Variants in KIAA1549 observed in about 807,000 individuals in gnomAD.
KIAA1549 encodes the protein UPF0606 protein KIAA1549.
A neutral mutation model predicts 156.4 loss-of-function variants in KIAA1549; 70 were observed. The observed-to-expected ratio is 0.45, with a 90% CI of 0.37 to 0.55. The LOEUF (loss-of-function observed/expected upper bound fraction) is 0.55, where lower values mean the gene tolerates loss of function less well. Among genes scored for constraint, KIAA1549 ranks in the 20% least tolerant of loss-of-function variants. The pLI is 0.00. For missense variants in KIAA1549, 2,428 were observed against 2,540.9 expected (o/e 0.96, Z 0.96); for synonymous variants, 1,103 against 1,066.4 (o/e 1.03, Z -0.67).
At chr7:138,957,278 G>A (rs976252475) in intron 1 of KIAA1549, among the ~76,000 whole-genome samples, 7 of 152,264 alleles carry the variant, frequency 4.6e-5, no homozygotes, top group East Asian at 3.9e-4. Context: ...ACAAACCAGA[G>A]ACACTGCCAT....
In KIAA1549 at chr7:138,840,185, C is replaced by A; in HGVS notation, c.5546G>T (p.Gly1849Val). 1 of 1,563,746 alleles carries A rather than the reference C, an allele frequency of 6.4e-7. No individual in the cohort carries two copies. Among genetic ancestry groups the A allele is most frequent in the Non-Finnish European group, 8.7e-7 (1 of 1,153,832 alleles). Reference protein sequence around the residue: ...EIPPSRGSQYGGPGWPSYGED... With the variant: ...EIPPSRGSQYVGPGWPSYGED... ...CCCGTACGAAGGCCAGCCTGGCCCCCCATACTGGCTGCCTCTGCTTGGCGG... is the reference window on the plus strand; with the variant it reads ...CCCGTACGAAGGCCAGCCTGGCCCCACATACTGGCTGCCTCTGCTTGGCGG... The change falls in exon 19 of 20, where the codon GGG becomes GTG. Residue 1849 changes from glycine to valine, a missense_variant. By Grantham distance (109) the Gly-to-Val change is moderately radical. Coordinates refer to ENST00000422774, the MANE Select transcript of KIAA1549 (RefSeq NM_001164665.2).
At chr7:138,848,698 C>T (rs565731076) in intron 17 of KIAA1549, among the ~76,000 whole-genome samples, 17 of 152,168 alleles carry the variant, frequency 1.1e-4, no homozygotes, top group African/African-American at 2.9e-4. Context: ...ATAAAATGAA[C>T]GGAGAAGTGT....
rs1230809015 is a variant in KIAA1549, at chr7:138,833,678, C to T, written c.*4228G>A. On this transcript the variant is annotated 3_prime_UTR_variant, in exon 20 of 20. Coordinates refer to ENST00000422774, the MANE Select transcript of KIAA1549 (RefSeq NM_001164665.2). ...ATAGATAGATAGACAGATACATAGA[C>T]AGACAGACAGATAGATAACCCACTA... 1 of 232,498 alleles carries T rather than the reference C, an allele frequency of 4.3e-6. No homozygotes were observed. The highest frequency in any genetic ancestry group is 2.2e-5 in the African/African-American group (1 of 45,242). The allele number at this position is 232,498 out of a possible 1,614,324, so 14.4% of individuals were successfully genotyped here.
intron 15 of KIAA1549, 115 bp from the exon 16 acceptor site, chr7:138,861,571 G>A (rs1810579871): frequency 1.1e-6 from 1 of 901,508 alleles, no homozygotes; most frequent in Non-Finnish European, 1.7e-6. Flanking sequence ...TGACAGTTGA[G>A]GCTGTGCACA....
chr7:138,856,910 G>A (rs1390751822), intron 16 of KIAA1549, among the ~76,000 whole-genome samples: 2 of 152,184 alleles, frequency 1.3e-5, no homozygotes, highest in African/African-American at 4.8e-5. Context: ...CCCAATATGG[G>A]CAGGCATCTT....
intron 1 of KIAA1549, among the ~76,000 whole-genome samples, chr7:138,939,967 C>G (rs574019894): frequency 3.3e-5 from 5 of 152,130 alleles, no homozygotes; most frequent in African/African-American, 7.2e-5. Flanking sequence ...GGCAACATAG[C>G]AAGACCCCAT....
chr7:138,895,979 C>T (rs1301050624), intron 9 of KIAA1549, among the ~76,000 whole-genome samples: 2 of 151,108 alleles, frequency 1.3e-5, no homozygotes, highest in East Asian at 2.0e-4. Context: ...CCACCCCACC[C>T]GGCCCCCACT....
intron 6 of KIAA1549, 134 bp downstream of exon 6, chr7:138,906,785 A>G (rs1257851048): frequency 3.2e-6 from 2 of 626,582 alleles, no homozygotes; most frequent in Non-Finnish European, 5.1e-6. Flanking sequence ...TACCACCTGT[A>G]CCCCAACGCC....
At chr7:138,890,886 AGGGCC>A (rs1198796511) in intron 10 of KIAA1549, among the ~76,000 whole-genome samples, 1 of 152,172 alleles carries the variant, frequency 6.6e-6, no homozygotes, top group Non-Finnish European at 1.5e-5. Flanking sequence ...AAAACCCCCC[AGGGCC>A]TGGCTCTCTG....
chr7:138,864,384 C>G (rs1292688321), intron 15 of KIAA1549, among the ~76,000 whole-genome samples: 1 of 152,178 alleles, frequency 6.6e-6, no homozygotes, highest in Non-Finnish European at 1.5e-5. Context: ...CAATGGCCCC[C>G]GTGAATCCTG....
At chr7:138,933,680 A>G (rs1246893068) in intron 1 of KIAA1549, among the ~76,000 whole-genome samples, 1 of 152,244 alleles carries the variant, frequency 6.6e-6, no homozygotes, top group Non-Finnish European at 1.5e-5. Context: ...ATTCTTGCAA[A>G]ATAGACCAGG....
At chr7:138,916,013 G>C (rs1188674203) in intron 2 of KIAA1549, among the ~76,000 whole-genome samples, 7 of 152,244 alleles carry the variant, frequency 4.6e-5, no homozygotes, top group Admixed American at 4.6e-4. Flanking sequence ...TAGCAACCCA[G>C]GCTGTGGTGG....
chr7:138,945,512 A>G (rs1173893547), intron 1 of KIAA1549, among the ~76,000 whole-genome samples: 1 of 152,188 alleles, frequency 6.6e-6, no homozygotes, highest in African/African-American at 2.4e-5. Context: ...CCCACTAAGT[A>G]CTTTGCAGCT....
At chr7:138,877,535 G>A (rs1411714419) in intron 12 of KIAA1549, among the ~76,000 whole-genome samples, 2 of 152,038 alleles carry the variant, frequency 1.3e-5, no homozygotes, top group Non-Finnish European at 2.9e-5. Flanking sequence ...CTGAAAGCTA[G>A]GAGAAAAACT....
At chr7:138,872,360 GAAAAAAA>G (rs35756099) in intron 12 of KIAA1549, among the ~76,000 whole-genome samples, 1 of 104,110 alleles carries the variant, frequency 9.6e-6, no homozygotes, top group African/African-American at 3.3e-5. Context: ...TCAGAACTGT[GAAAAAAA>G]AAAAAAAGAA....
Position 138,833,234 on chromosome 7 carries a change from C to T in KIAA1549, c.*4672G>A, listed in dbSNP as rs914967287. 2.5e-4 allele frequency: 59 copies of T among 232,666 alleles called. No homozygotes were observed. The highest frequency in any genetic ancestry group is 4.2e-4 in the Non-Finnish European group (50 of 117,696). 14.4% of individuals were successfully genotyped at this position (232,666 alleles called of 1,614,324 possible). A position where few individuals can be genotyped will look rare whatever the true frequency, so the allele number is the denominator to read the frequency against. On this transcript the variant is annotated 3_prime_UTR_variant, in exon 20 of 20. Coordinates refer to ENST00000422774, the MANE Select transcript of KIAA1549 (RefSeq NM_001164665.2). ...TCCTTCCCCTGTGCCCAAAACGTTA[C>T]CCAGCTTTCCTTCCAAACGACAAAT...
chr7:138,843,441 C>G (rs763098647), intron 18 of KIAA1549, among the ~76,000 whole-genome samples: 85 of 152,150 alleles, frequency 5.6e-4, no homozygotes, highest in Non-Finnish European at 1.1e-3. Flanking sequence ...CTCCTAGGTA[C>G]TATTTTCTTT....
chr7:138,912,365 G>C lies in KIAA1549; in HGVS notation c.2967+7C>G. ...AGACATCACACTCCTGAGCCACCAG[G>C]ACTCACCTTCAGTTCCACTGCACGG... On this transcript the variant is annotated splice_region_variant and intron_variant, in intron 3 of 19. Coordinates refer to ENST00000422774, the MANE Select transcript of KIAA1549 (RefSeq NM_001164665.2). The C allele has an allele frequency of 6.2e-7, 1 of 1,611,318 alleles. No homozygotes were observed. The highest frequency in any genetic ancestry group is 8.5e-7 in the Non-Finnish European group (1 of 1,177,540).
chr7:138,914,253 A>G (rs1812252383), intron 2 of KIAA1549, among the ~76,000 whole-genome samples: 2 of 152,218 alleles, frequency 1.3e-5, no homozygotes, highest in African/African-American at 4.8e-5. Context: ...TGAGAAAGCT[A>G]TAAAACTGCA....
Sources: allele counts gnomAD v4.1 joint callset (sites outside exome capture counted in the v4.1 genomes callset), GRCh38; gene constraint gnomAD v4.1.1; transcripts MANE v1.5; gene names NCBI Gene and HGNC (gene_info 2026-07-23, HGNC 2026-07-21).